The following P3H2 variants were observed in gnomAD, a reference collection of about 807,000 sequenced individuals.
P3H2 encodes the protein leprecan-like 1.
Under a neutral mutation model 87.0 loss-of-function variants are expected in P3H2, and 80 were observed. That is an observed-to-expected ratio of 0.92 (90% CI 0.77 to 1.11). The LOEUF is 1.11. Ranked by LOEUF, P3H2 falls within the 50% of genes least tolerant of loss-of-function variation. The pLI, the probability that P3H2 is intolerant of heterozygous loss-of-function variation, is 0.00. For missense variants in P3H2, 1,001 were observed against 923.9 expected (o/e 1.08, Z -1.08); for synonymous variants, 367 against 359.3 (o/e 1.02, Z -0.24).
chr3:189,997,896 A>G (rs710566), intron 1 of P3H2, among the ~76,000 whole-genome samples: 119,531 of 152,134 alleles, frequency 0.79, 47,149 homozygotes, highest in East Asian at 0.94. Flanking sequence ...GTTCAAAATT[A>G]TGTGTGGTTT....
intron 1 of P3H2, among the ~76,000 whole-genome samples, chr3:190,111,818 A>G (rs1712079493): frequency 6.6e-6 from 1 of 152,230 alleles, no homozygotes; most frequent in Non-Finnish European, 1.5e-5. Context: ...CTTGCCATAA[A>G]CAATATTCTT....
At chr3:190,104,593 A>C (rs1711759304) in intron 1 of P3H2, among the ~76,000 whole-genome samples, 1 of 152,254 alleles carries the variant, frequency 6.6e-6, no homozygotes, top group Non-Finnish European at 1.5e-5. Flanking sequence ...TACAGGAAGC[A>C]AATCAGAATA....
At chr3:190,004,535 T>A (rs9841830) in intron 1 of P3H2, among the ~76,000 whole-genome samples, 46,920 of 150,564 alleles carry the variant, frequency 0.31, 7,458 homozygotes, top group East Asian at 0.48. Flanking sequence ...GGCGCCCGCC[T>A]CCACGCCCGG....
At chr3:189,972,488 T>A (rs571435585) in intron 11 of P3H2, among the ~76,000 whole-genome samples, 1 of 152,320 alleles carries the variant, frequency 6.6e-6, no homozygotes, top group South Asian at 2.1e-4. Context: ...CCGGTCTTTT[T>A]AAGAGTATTT....
At chr3:189,985,467 C>T (rs901413328) in intron 6 of P3H2, among the ~76,000 whole-genome samples, 4 of 151,550 alleles carry the variant, frequency 2.6e-5, no homozygotes, top group African/African-American at 7.2e-5. Context: ...GATTCAAATG[C>T]CTGTTCAATC....
chr3:190,081,781 T>C (rs756119801), intron 1 of P3H2, among the ~76,000 whole-genome samples: 8 of 152,166 alleles, frequency 5.3e-5, no homozygotes, highest in Non-Finnish European at 1.2e-4. Flanking sequence ...AGTTATAATA[T>C]GAAATGCAGA....
intron 3 of P3H2, among the ~76,000 whole-genome samples, chr3:189,991,941 A>C: frequency 6.6e-6 from 1 of 152,194 alleles, no homozygotes; most frequent in East Asian, 1.9e-4. Context: ...TGGTAGCAAA[A>C]GGGGTGGAGG....
At chr3:190,051,924 A>G (rs1047306219) in intron 1 of P3H2, among the ~76,000 whole-genome samples, 1 of 152,128 alleles carries the variant, frequency 6.6e-6, no homozygotes, top group Non-Finnish European at 1.5e-5. Flanking sequence ...AGGCTTCTTC[A>G]CCCATCTGTT....
At chr3:190,116,038 C>G (rs926254361) in intron 1 of P3H2, among the ~76,000 whole-genome samples, 1 of 152,064 alleles carries the variant, frequency 6.6e-6, no homozygotes, top group Non-Finnish European at 1.5e-5. Context: ...AGGAAGCTCA[C>G]CTAAGTAATA....
At chr3:189,995,556 G>GGTTT (rs10645374) in intron 1 of P3H2, 114 bp from the exon 2 acceptor site, 53,533 of 826,284 alleles carry the variant, frequency 0.065, 690 homozygotes, top group Non-Finnish European at 0.069. Context: ...AGGAGCCTTG[G>GGTTT]TTTTTTTTTT....
chr3:190,043,324 C>A (rs1725700267), intron 1 of P3H2, among the ~76,000 whole-genome samples: 1 of 152,150 alleles, frequency 6.6e-6, no homozygotes, highest in African/African-American at 2.4e-5. Flanking sequence ...GAGTTGCTAA[C>A]CTCCAGGAAG....
intron 3 of P3H2, among the ~76,000 whole-genome samples, chr3:189,991,793 A>G (rs1438813433): frequency 6.6e-6 from 1 of 152,248 alleles, no homozygotes; most frequent in Non-Finnish European, 1.5e-5. Flanking sequence ...AGTGGAGTGT[A>G]AACCATTTGG....
chr3:189,985,179 T>G (rs1419588660), intron 6 of P3H2, among the ~76,000 whole-genome samples: 3 of 151,994 alleles, frequency 2.0e-5, no homozygotes, highest in African/African-American at 7.2e-5. Context: ...AATGGACATA[T>G]TATAAATAAT....
chr3:190,031,237 A>G (rs1201084268), intron 1 of P3H2, among the ~76,000 whole-genome samples: 1 of 152,232 alleles, frequency 6.6e-6, no homozygotes. Flanking sequence ...GGAAGATATA[A>G]CCAAAAAATG....
intron 1 of P3H2, among the ~76,000 whole-genome samples, chr3:190,018,698 G>T (rs1026975853): frequency 1.3e-5 from 2 of 152,142 alleles, no homozygotes; most frequent in African/African-American, 4.8e-5. Context: ...AACACAGCAA[G>T]ACCCTGACTC....
At chr3:189,996,443 C>A (rs1290182919) in intron 1 of P3H2, among the ~76,000 whole-genome samples, 3 of 151,988 alleles carry the variant, frequency 2.0e-5, no homozygotes, top group Non-Finnish European at 2.9e-5. Context: ...ACGGTGATTG[C>A]CAGAGGCTGG....
In P3H2 at chr3:189,986,812, A is replaced by T; in HGVS notation, c.1164T>A (p.Gly388=). The change falls in exon 6 of 15, where the codon GGT becomes GGA. Residue 388 remains glycine (G), a synonymous_variant. Coordinates refer to ENST00000319332, the MANE Select transcript of P3H2 (RefSeq NM_018192.4). ...CCGGTTCAGTGTATGAAAACCCCAG[A>T]CCTTCTGCAGCTGATTTTATCAGCT... ...ESELIKSAAE[G]LGFSYTEPNY... is the part of the protein sequence containing the mutation. 1 of 1,611,672 alleles carries T rather than the reference A, an allele frequency of 6.2e-7. No individual in the cohort carries two copies.
upstream of P3H2, among the ~76,000 whole-genome samples, chr3:190,121,951 G>A (rs1712619497): frequency 6.6e-6 from 1 of 151,932 alleles, no homozygotes. Context: ...AATTAGCTGG[G>A]CGTGGTGGCA....
At chr3:189,974,115 T>A (rs1304132427) in intron 9 of P3H2, 111 bp from the exon 10 acceptor site, 1 of 848,108 alleles carries the variant, frequency 1.2e-6, no homozygotes, top group Middle Eastern at 3.1e-4. Context: ...CTAAGAACCA[T>A]CCCCATTTTA....
Sources: gnomAD v4.1 joint callset for allele counts (sites outside exome capture counted in the v4.1 genomes callset) on GRCh38, gnomAD v4.1.1 for gene constraint, MANE v1.5 for transcripts, NCBI Gene and HGNC (gene_info 2026-07-23, HGNC 2026-07-21) for gene names.